The following WWOX variants were observed in gnomAD, a reference collection of about 807,000 sequenced individuals.
WWOX encodes the protein WW domain containing oxidoreductase.
A neutral mutation model predicts 46.2 loss-of-function variants in WWOX; 69 were observed. The ratio of observed to expected loss-of-function variants is 1.49; its 90% CI spans 1.23 to 1.82. WWOX has a LOEUF of 1.82. WWOX is among the 40% of genes most tolerant of loss of function. The pLI is 0.00. For synonymous variants in WWOX, 359 were observed against 202.6 expected, an observed-to-expected ratio of 1.77 and a Z score of -6.56; for missense variants, 919 against 542.6, an observed-to-expected ratio of 1.69 and a Z score of -6.89.
intron 8 of WWOX, among the ~76,000 whole-genome samples, chr16:79,084,285 G>A (rs768571936): frequency 6.6e-6 from 1 of 152,120 alleles, no homozygotes; most frequent in African/African-American, 2.4e-5. Flanking sequence ...ACAAAGAGAA[G>A]TAGAACTCTA....
chr16:78,431,941 C>T (rs904775270), intron 7 of WWOX, among the ~76,000 whole-genome samples: 9 of 152,098 alleles, frequency 5.9e-5, no homozygotes, highest in African/African-American at 1.9e-4. Flanking sequence ...GTCTTGAACT[C>T]CTACACTCAA....
intron 8 of WWOX, among the ~76,000 whole-genome samples, chr16:78,982,702 G>T (rs560968531): frequency 7.2e-5 from 11 of 152,292 alleles, no homozygotes; most frequent in African/African-American, 2.4e-4. Context: ...AAACATGTAT[G>T]CTTATTTAGT....
intron 4 of WWOX, among the ~76,000 whole-genome samples, chr16:78,128,711 G>A (rs2033461481): frequency 6.6e-6 from 1 of 152,216 alleles, no homozygotes; most frequent in South Asian, 2.1e-4. Flanking sequence ...TTCAAATGGA[G>A]AGACTCCGCT....
chr16:78,972,877 C>T (rs546036147), intron 8 of WWOX, among the ~76,000 whole-genome samples: 12 of 152,332 alleles, frequency 7.9e-5, no homozygotes, highest in East Asian at 1.9e-4. Context: ...GTCTCCCCGC[C>T]TTGTAAGGGC....
At chr16:79,010,743 C>G (rs892880153) in intron 8 of WWOX, among the ~76,000 whole-genome samples, 7 of 150,488 alleles carry the variant, frequency 4.7e-5, no homozygotes, top group African/African-American at 1.5e-4. Context: ...GAGATGGGAA[C>G]CTTCCAGGGA....
chr16:79,093,243 G>A (rs1404351193), intron 8 of WWOX, among the ~76,000 whole-genome samples: 1 of 152,160 alleles, frequency 6.6e-6, no homozygotes, highest in Non-Finnish European at 1.5e-5. Context: ...GGTGGGGAGA[G>A]AGGCAGATTT....
At chr16:78,671,672 G>A (rs2047468542) in intron 8 of WWOX, among the ~76,000 whole-genome samples, 1 of 152,166 alleles carries the variant, frequency 6.6e-6, no homozygotes, top group Non-Finnish European at 1.5e-5. Flanking sequence ...GACAGTGTAT[G>A]TAAAGCATTT....
At chr16:79,041,322 C>A (rs2047966706) in intron 8 of WWOX, among the ~76,000 whole-genome samples, 1 of 152,194 alleles carries the variant, frequency 6.6e-6, no homozygotes, top group African/African-American at 2.4e-5. Context: ...CTCTGTGTGT[C>A]ACCTTCTCTC....
At chr16:79,177,922 G>A (rs1358643115) in intron 8 of WWOX, among the ~76,000 whole-genome samples, 1 of 152,154 alleles carries the variant, frequency 6.6e-6, no homozygotes, top group Non-Finnish European at 1.5e-5. Flanking sequence ...TGGAGCCTGG[G>A]AAGTCCAAGA....
chr16:78,975,246 A>G (rs1034050495), intron 8 of WWOX, among the ~76,000 whole-genome samples: 1 of 152,172 alleles, frequency 6.6e-6, no homozygotes, highest in Non-Finnish European at 1.5e-5. Context: ...CCACTTTTGC[A>G]CCCAGGGAAG....
chr16:78,725,320 T>C (rs963244281), intron 8 of WWOX, among the ~76,000 whole-genome samples: 14 of 150,592 alleles, frequency 9.3e-5, no homozygotes, highest in Admixed American at 5.3e-4. Flanking sequence ...TCTTTTTTTT[T>C]CCTTTTTTCT....
At chr16:78,657,445 G>C (rs1234835525) in intron 8 of WWOX, among the ~76,000 whole-genome samples, 5 of 152,180 alleles carry the variant, frequency 3.3e-5, no homozygotes, top group African/African-American at 4.8e-5. Flanking sequence ...GGACAAGCTT[G>C]TCAGTGAGGG....
rs369055872 is a variant in WWOX at position 78,164,255 on chromosome 16, C to T, written c.482C>T (p.Ala161Val). The T allele has an allele frequency of 2.0e-5, 33 of 1,613,896 alleles. No homozygotes were observed. In the African/African-American group the frequency reaches 2.3e-4, roughly 11 times the overall value. Residue 161 changes from alanine to valine, a missense_variant, in exon 5 of 9, where the codon GCG (alanine) becomes GTG (valine). Coordinates refer to ENST00000566780, the MANE Select transcript of WWOX (RefSeq NM_016373.4). Reference sequence around the variant, plus strand: ...TTGGCCTGCAGGAACATGGCAAGGGCGAGTGAAGCAGTGTCACGCATTTTA... The same window carrying T: ...TTGGCCTGCAGGAACATGGCAAGGGTGAGTGAAGCAGTGTCACGCATTTTA... ...VILACRNMAR[A>V]SEAVSRILEE...
intron 5 of WWOX, among the ~76,000 whole-genome samples, chr16:78,250,626 A>C (rs566777530): frequency 9.8e-5 from 15 of 152,312 alleles, no homozygotes; most frequent in African/African-American, 3.4e-4. Context: ...ACTCAGAGCC[A>C]ACAGATAGAC....
At chr16:78,207,761 CAAAA>C (rs34715697) in intron 5 of WWOX, among the ~76,000 whole-genome samples, 3 of 104,612 alleles carry the variant, frequency 2.9e-5, no homozygotes, top group Non-Finnish European at 4.1e-5. Flanking sequence ...GACCCTATTA[CAAAA>C]AAAAAAAAAA....
intron 8 of WWOX, among the ~76,000 whole-genome samples, chr16:78,603,782 A>C (rs901660070): frequency 2.6e-5 from 4 of 152,170 alleles, no homozygotes; most frequent in Non-Finnish European, 5.9e-5. Flanking sequence ...AGTTGGAACA[A>C]GTGGGGTGGG....
intron 8 of WWOX, chr16:79,017,062 G>A (rs2047428906): frequency 6.6e-6 from 1 of 152,142 alleles, no homozygotes; most frequent in African/African-American, 2.4e-5. Flanking sequence ...TGTAACTCCA[G>A]GTCGGGTATA....
At chr16:78,887,496 C>T (rs1567627591) in intron 8 of WWOX, among the ~76,000 whole-genome samples, 1 of 146,486 alleles carries the variant, frequency 6.8e-6, no homozygotes, top group African/African-American at 2.6e-5. Context: ...CACACACACA[C>T]ACACACACAC....
At chr16:79,085,651 A>C (rs1342431882) in intron 8 of WWOX, among the ~76,000 whole-genome samples, 1 of 152,210 alleles carries the variant, frequency 6.6e-6, no homozygotes, top group African/African-American at 2.4e-5. Context: ...AAATTATATC[A>C]TCTTTATAAT....
Sources: allele counts gnomAD v4.1 joint callset (sites outside exome capture counted in the v4.1 genomes callset), GRCh38; gene constraint gnomAD v4.1.1; transcripts MANE v1.5; gene names NCBI Gene and HGNC (gene_info 2026-07-23, HGNC 2026-07-21).